The following UPK3A variants were observed in gnomAD, a reference collection of about 807,000 sequenced individuals.
UPK3A encodes the protein uroplakin 3A, also known as uroplakin-3a.
In UPK3A, 32 loss-of-function variants were observed where a neutral mutation model predicts 27.6. The observed-to-expected ratio is 1.16, with a 90% CI of 0.87 to 1.55. The LOEUF is 1.55. UPK3A is among the 40% of genes most tolerant of loss of function. UPK3A has a pLI of 0.00. For synonymous variants in UPK3A, 171 were observed against 163.9 expected (o/e 1.04, Z -0.33); for missense variants, 370 against 367.9 (o/e 1.01, Z -0.05).
At chr22:45,292,045 G>C (rs1390567458) in intron 4 of UPK3A, among the ~76,000 whole-genome samples, 1 of 152,124 alleles carries the variant, frequency 6.6e-6, no homozygotes, top group Non-Finnish European at 1.5e-5. Flanking sequence ...GCATTCCCAC[G>C]CAGTGTGGTT....
rs1461502614 is a variant in UPK3A, at chr22:45,295,504, G to C, written c.705-56G>C. 2.5e-6 allele frequency: 4 copies of C among 1,604,318 alleles called. No homozygotes were observed. In the South Asian group the frequency reaches 3.3e-5, roughly 13 times the overall value. On this transcript the variant is annotated intron_variant, in intron 5 of 5. Coordinates refer to ENST00000216211, the MANE Select transcript of UPK3A (RefSeq NM_006953.4). ...GTATGAAGGTCCCCAAGCAGCTAAA[G>C]GCATTTGGGTTTGCTCTGGTCCCCT...
In UPK3A at chr22:45,287,245, T is replaced by C. The variant is rs1443548445; in HGVS notation, c.282T>C (p.Gly94=). 5 of 1,613,862 alleles carry C rather than the reference T, an allele frequency of 3.1e-6. No individual in the cohort carries two copies. Among genetic ancestry groups the C allele is most frequent in the Non-Finnish European group, 4.2e-6 (5 of 1,179,996 alleles). The change falls in exon 3 of 6, where the codon GGT becomes GGC. Residue 94 remains glycine, a synonymous_variant. Transcript: ENST00000216211. ...GCTCAACGTTCCTACAAACAGAGGG[T>C]GGGAGGACAGGTCCCTACAAAGCTG... The part of the protein sequence containing the change: ...PLGSTFLQTE[G]GRTGPYKAVA...
chr22:45,295,422 A>G (rs1398608135), intron 5 of UPK3A, 138 bp from the exon 6 acceptor site: 4 of 979,136 alleles, frequency 4.1e-6, no homozygotes, highest in Non-Finnish European at 6.5e-6. Flanking sequence ...TGCTCCAGAA[A>G]GATGGATTGA....
In UPK3A at chr22:45,292,642, A is replaced by C. The variant is rs2084169467; in HGVS notation, c.572-539A>C. Among the ~76,000 whole-genome samples, 3 of 152,126 alleles carry C rather than the reference A, an allele frequency of 2.0e-5. No homozygotes were observed. The South Asian group carries it at 6.2e-4, about 32-fold the overall frequency. On this transcript the variant is annotated intron_variant, in intron 4 of 5. Coordinates refer to ENST00000216211, the MANE Select transcript of UPK3A (RefSeq NM_006953.4). The stretch of plus-strand genomic sequence containing the variant: ...CCGGGGCACTCTGGTGGTGGCTCAC[A>C]CCTATAATCCCAACACATTGGGAGG...
At chr22:45,293,384 G>A in intron 5 of UPK3A, 71 bp downstream of exon 5, 2 of 1,593,594 alleles carry the variant, frequency 1.3e-6, no homozygotes, top group South Asian at 2.2e-5. Flanking sequence ...CAGGGACTCA[G>A]CAGTGGGGTC....
At chr22:45,288,086 C>T (rs979987946) in intron 3 of UPK3A, among the ~76,000 whole-genome samples, 2 of 152,202 alleles carry the variant, frequency 1.3e-5, no homozygotes, top group East Asian at 1.9e-4. Flanking sequence ...CAAACCCCTT[C>T]GTCTTACAGG....
Position 45,293,329 on chromosome 22 carries a change from C to A in UPK3A, c.704+16C>A. On this transcript the variant is annotated intron_variant, in intron 5 of 5. Coordinates refer to ENST00000216211, the MANE Select transcript of UPK3A (RefSeq NM_006953.4). ...TCAGCCTCGTGTAAGTACCTGCCTG[C>A]TGGGAGGGCTGGACCCCAGGGACAT... is the stretch of plus-strand genomic sequence containing the variant. 1.2e-6 allele frequency: 2 copies of A among 1,613,288 alleles called. No individual in the cohort carries two copies. The highest frequency in any genetic ancestry group is 1.7e-6 in the Non-Finnish European group (2 of 1,180,000).
intron 2 of UPK3A, among the ~76,000 whole-genome samples, chr22:45,286,566 C>A (rs903517603): frequency 6.6e-6 from 1 of 152,176 alleles, no homozygotes; most frequent in African/African-American, 2.4e-5. Context: ...CAGCCCCAAC[C>A]CCTGCCCTGG....
At chr22:45,288,525 G>T (rs2084135809) in intron 3 of UPK3A, among the ~76,000 whole-genome samples, 1 of 152,084 alleles carries the variant, frequency 6.6e-6, no homozygotes, top group Non-Finnish European at 1.5e-5. Context: ...TAGAGACAGG[G>T]TTTTGCCATG....
At chr22:45,295,417 C>T in intron 5 of UPK3A, 143 bp from the exon 6 acceptor site, 2 of 960,104 alleles carry the variant, frequency 2.1e-6, no homozygotes, top group Non-Finnish European at 3.3e-6. Context: ...GTCAGTGCTC[C>T]AGAAAGATGG....
intron 5 of UPK3A, 72 bp downstream of exon 5, chr22:45,293,385 C>G: frequency 6.3e-7 from 1 of 1,591,492 alleles, no homozygotes; most frequent in Admixed American, 1.7e-5. Flanking sequence ...AGGGACTCAG[C>G]AGTGGGGTCC....
At chr22:45,289,394 T>C (rs2084143335) in intron 4 of UPK3A, among the ~76,000 whole-genome samples, 1 of 151,736 alleles carries the variant, frequency 6.6e-6, no homozygotes, top group African/African-American at 2.4e-5. Flanking sequence ...GCTCACACGG[T>C]GAAACCCCGT....
chr22:45,289,280 A>G (rs1417597388), intron 4 of UPK3A, 137 bp downstream of exon 4: 2 of 831,456 alleles, frequency 2.4e-6, no homozygotes, highest in Admixed American at 2.3e-5. Flanking sequence ...AATGCTCCTT[A>G]AAGCTGTTGA....
At position 45,287,258 on chromosome 22, in the gene UPK3A, C is replaced by A. The variant is rs1186304907; in HGVS notation, c.295C>A (p.Pro99Thr). 1 of 1,614,228 alleles carries A rather than the reference C, an allele frequency of 6.2e-7. No homozygotes were observed. Among genetic ancestry groups the A allele is most frequent in the Admixed American group, 1.7e-5 (1 of 60,024 alleles). Reference protein sequence around the residue: ...FLQTEGGRTGPYKAVAFDLIP... With the variant: ...FLQTEGGRTGTYKAVAFDLIP... ...ACAAACAGAGGGTGGGAGGACAGGTCCCTACAAAGCTGTGGCCTTTGACCT... is the reference window on the plus strand; with the variant it reads ...ACAAACAGAGGGTGGGAGGACAGGTACCTACAAAGCTGTGGCCTTTGACCT... Residue 99 changes from proline to threonine, a missense_variant, in exon 3 of 6, where the codon CCC becomes ACC. By Grantham distance (38) the Pro-to-Thr change is conservative. Transcript: ENST00000216211.
chr22:45,293,339 T>G, intron 5 of UPK3A, 26 bp downstream of exon 5: 1 of 1,612,956 alleles, frequency 6.2e-7, no homozygotes, highest in Non-Finnish European at 8.5e-7. Context: ...CTGGGAGGGC[T>G]GGACCCCAGG....
chr22:45,290,298 T>C (rs1023091125), intron 4 of UPK3A, among the ~76,000 whole-genome samples: 2 of 152,202 alleles, frequency 1.3e-5, no homozygotes, highest in Admixed American at 6.5e-5. Context: ...CGAGGCTGTC[T>C]GGCAGGATGA....
chr22:45,291,578 G>A (rs1052791857), intron 4 of UPK3A, among the ~76,000 whole-genome samples: 20 of 150,702 alleles, frequency 1.3e-4, no homozygotes, highest in Admixed American at 3.3e-4. Context: ...GTGTGTAAGA[G>A]TTTGAGTTGG....
At chr22:45,286,137 C>G (rs1295971553) in intron 2 of UPK3A, 41 bp downstream of exon 2, 1 of 1,612,640 alleles carries the variant, frequency 6.2e-7, no homozygotes, top group Non-Finnish European at 8.5e-7. Flanking sequence ...AAAAGGGGCT[C>G]TGACCTGTCT....
intron 4 of UPK3A, among the ~76,000 whole-genome samples, chr22:45,291,785 A>T (rs565830454): frequency 8.1e-6 from 1 of 122,862 alleles, no homozygotes; most frequent in Admixed American, 8.6e-5. Flanking sequence ...GGTGTGTGAG[A>T]GTGTGGCAAT....
Sources: allele counts gnomAD v4.1 joint callset (sites outside exome capture counted in the v4.1 genomes callset), GRCh38; gene constraint gnomAD v4.1.1; transcripts MANE v1.5; gene names NCBI Gene and HGNC (gene_info 2026-07-23, HGNC 2026-07-21).